SPPL2A: variants seen among roughly 807,000 people sequenced by gnomAD.
SPPL2A encodes signal peptide peptidase like 2A.
In SPPL2A, 51 loss-of-function variants were observed where a neutral mutation model predicts 63.8. The observed-to-expected ratio is 0.80, with a 90% CI of 0.64 to 1.01. The LOEUF (loss-of-function observed/expected upper bound fraction) is 1.01. Ranked by LOEUF, SPPL2A falls within the 50% of genes least tolerant of loss-of-function variation. SPPL2A has a pLI of 0.00. For missense variants in SPPL2A, 553 were observed against 622.7 expected (o/e 0.89, Z 1.19); for synonymous variants, 188 against 205.8 (o/e 0.91, Z 0.74).
intron 14 of SPPL2A, 31 bp downstream of exon 14, chr15:50,719,909 A>G: frequency 2.2e-6 from 3 of 1,391,918 alleles, no homozygotes; most frequent in Non-Finnish European, 2.9e-6. Context: ...AAGCCATAAG[A>G]TAACTTGGTA....
At chr15:50,765,396 G>A in intron 1 of SPPL2A, 72 bp downstream of exon 1, 1 of 1,249,598 alleles carries the variant, frequency 8.0e-7, no homozygotes, top group Non-Finnish European at 1.1e-6. Context: ...AGGAGTAGGG[G>A]AAGGGAGCCC....
In SPPL2A at chr15:50,736,125, C is replaced by T. The variant is rs78689167; in HGVS notation, c.908G>A (p.Trp303Ter). 1 of 1,611,500 alleles carries T rather than the reference C, an allele frequency of 6.2e-7. No homozygotes were observed. The highest frequency in any genetic ancestry group is 8.5e-7 in the Non-Finnish European group (1 of 1,178,270). ...SGLCIAVAVVWAVFRNEDRWA... is the reference protein window; with the variant it reads ...SGLCIAVAVV Reference sequence around the variant, plus strand: ...CCTGTCTTCATTTCGAAACACAGCCCAAACAACAGCTACTGCTATGCACAG... The same window carrying T: ...CCTGTCTTCATTTCGAAACACAGCCTAAACAACAGCTACTGCTATGCACAG... Residue 303 changes from tryptophan to a stop codon, truncating the protein, a stop_gained, in exon 8 of 15, where the codon TGG becomes TAG. Transcript: ENST00000261854. LOFTEE classifies it high-confidence loss of function.
intron 1 of SPPL2A, among the ~76,000 whole-genome samples, chr15:50,758,374 C>T (rs2062979552): frequency 6.6e-6 from 1 of 151,252 alleles, no homozygotes. Context: ...ACTCTGTCGC[C>T]CAGGCTAGAG....
intron 8 of SPPL2A, among the ~76,000 whole-genome samples, chr15:50,735,282 T>C (rs987813147): frequency 1.3e-5 from 2 of 152,182 alleles, no homozygotes; most frequent in African/African-American, 4.8e-5. Context: ...GCATGTGGTA[T>C]ATGGCTTACT....
At chr15:50,757,136 G>A (rs2062965235) in intron 1 of SPPL2A, among the ~76,000 whole-genome samples, 1 of 141,946 alleles carries the variant, frequency 7.0e-6, no homozygotes, top group Non-Finnish European at 1.5e-5. Context: ...AGGCTGGAGT[G>A]CAGTGGTGCG....
chr15:50,725,513 C>T (rs1189812939), intron 11 of SPPL2A, 190 bp from the exon 12 acceptor site: 2 of 410,862 alleles, frequency 4.9e-6, no homozygotes, highest in Non-Finnish European at 8.5e-6. Context: ...CAACTGCAAC[C>T]TCCGCCTCCC....
Position 50,731,024 on chromosome 15 carries a change from G to C in SPPL2A, c.1030C>G (p.Leu344Val). 6 of 1,481,314 alleles carry C rather than the reference G, an allele frequency of 4.1e-6. No individual in the cohort carries two copies. Among genetic ancestry groups the C allele is most frequent in the Non-Finnish European group, 5.6e-6 (6 of 1,062,330 alleles). 91.8% of individuals were successfully genotyped at this position (1,481,314 alleles called of 1,614,324 possible). Reference sequence around the variant, plus strand: ...ACATCATAGAGGAGGAGAAGGCCTAGAAGTATCACACATGACTGTCAAAGA... The same window carrying C: ...ACATCATAGAGGAGGAGAAGGCCTACAAGTATCACACATGACTGTCAAAGA... The part of the protein sequence containing the change: ...LPNFKSCVIL[L>V]GLLLLYDVFF... The change falls in exon 10 of 15, where the codon CTA becomes GTA. Residue 344 changes from leucine (L) to valine (V), a missense_variant. By Grantham distance (32) the Leu-to-Val change is conservative (BLOSUM62 1). Coordinates refer to ENST00000261854, the MANE Select transcript of SPPL2A (RefSeq NM_032802.4).
chr15:50,732,815 T>G, intron 8 of SPPL2A, 131 bp from the exon 9 acceptor site: 4 of 607,700 alleles, frequency 6.6e-6, no homozygotes, highest in African/African-American at 1.9e-5. Flanking sequence ...TTAAGACAGA[T>G]TCTCACTCTG....
In SPPL2A at chr15:50,719,399, A is replaced by C. The variant is rs574782467; in HGVS notation, c.1488+541T>G. 2.6e-5 allele frequency among the ~76,000 whole-genome samples: 4 copies of C among 151,864 alleles called. No individual in the cohort carries two copies. The South Asian group carries it at 6.3e-4, about 24-fold the overall frequency. ...AGCTGGGATTACAGGCGCCTGCCAC[A>C]ACACCCGGCTAATTTTTTGTATTTT... is the stretch of plus-strand genomic sequence containing the variant. On this transcript the variant is annotated intron_variant, in intron 14 of 14. Coordinates refer to ENST00000261854, the MANE Select transcript of SPPL2A (RefSeq NM_032802.4).
In SPPL2A at chr15:50,747,611, A is replaced by T. The variant is rs1426143670; in HGVS notation, c.468T>A (p.Ile156=). 3 of 1,608,160 alleles carry T rather than the reference A, an allele frequency of 1.9e-6. No individual in the cohort carries two copies. The highest frequency in any genetic ancestry group is 2.5e-6 in the Non-Finnish European group (3 of 1,176,936). ...RDMNQTLGDN[I]TVKMYSPSWP... ...ACGATGGAGAATACATTTTCACAGT[A>T]ATGTTATCTCCTAGAGTCTGAAAGG... The change falls in exon 5 of 15, where the codon ATT becomes ATA. Residue 156 remains isoleucine (I), a synonymous_variant. Coordinates refer to ENST00000261854, the MANE Select transcript of SPPL2A (RefSeq NM_032802.4).
intron 5 of SPPL2A, 22 bp from the exon 6 acceptor site, chr15:50,739,850 T>G (rs769238972): frequency 1.3e-6 from 2 of 1,557,910 alleles, no homozygotes. Context: ...CACAGGAACT[T>G]TAGCAAATCT....
chr15:50,720,545 G>GTTTTTT (rs1555441399), intron 13 of SPPL2A, among the ~76,000 whole-genome samples: 1 of 142,284 alleles, frequency 7.0e-6, no homozygotes, highest in East Asian at 2.2e-4. Context: ...TCGAAATGGA[G>GTTTTTT]TTTTGTTCTT....
chr15:50,735,567 A>G (rs1443395165), intron 8 of SPPL2A, among the ~76,000 whole-genome samples: 4 of 147,632 alleles, frequency 2.7e-5, no homozygotes, highest in African/African-American at 9.8e-5. Context: ...ACACACACAC[A>G]TATTTTTTTG....
chr15:50,735,568 T>C (rs1037055675), intron 8 of SPPL2A, among the ~76,000 whole-genome samples: 1 of 151,012 alleles, frequency 6.6e-6, no homozygotes, highest in Non-Finnish European at 1.5e-5. Flanking sequence ...CACACACACA[T>C]ATTTTTTTGA....
chr15:50,736,840 C>T, intron 6 of SPPL2A, 100 bp from the exon 7 acceptor site: 2 of 597,266 alleles, frequency 3.3e-6, no homozygotes, highest in Non-Finnish European at 3.0e-6. Flanking sequence ...TTTATTGAAT[C>T]ATACTTCCAA....
intron 5 of SPPL2A, among the ~76,000 whole-genome samples, chr15:50,744,749 A>C (rs1443723506): frequency 6.6e-6 from 1 of 152,152 alleles, no homozygotes; most frequent in Non-Finnish European, 1.5e-5. Context: ...AACTGGCAGA[A>C]AGTTGAAATC....
chr15:50,716,926 AT>A (rs1241620580), intron 14 of SPPL2A, among the ~76,000 whole-genome samples: 1 of 152,102 alleles, frequency 6.6e-6, no homozygotes, highest in Admixed American at 6.6e-5. Flanking sequence ...CTTTGTGGTG[AT>A]CCAATAGGTA....
At chr15:50,749,501 T>C in intron 2 of SPPL2A, 135 bp downstream of exon 2, 1 of 634,204 alleles carries the variant, frequency 1.6e-6, no homozygotes, top group Non-Finnish European at 2.8e-6. Flanking sequence ...TTAGCCAGGA[T>C]GGTCTTGATC....
intron 14 of SPPL2A, among the ~76,000 whole-genome samples, chr15:50,719,534 C>T (rs1184774642): frequency 6.6e-6 from 1 of 152,164 alleles, no homozygotes; most frequent in African/African-American, 2.4e-5. Context: ...CGTGAGCCAC[C>T]GTGCCTGGCC....
Sources: allele counts gnomAD v4.1 joint callset (sites outside exome capture counted in the v4.1 genomes callset), GRCh38; gene constraint gnomAD v4.1.1; transcripts MANE v1.5; gene names NCBI Gene and HGNC (gene_info 2026-07-23, HGNC 2026-07-21).